The following PCDH19 variants were observed in gnomAD, a reference collection of about 807,000 sequenced individuals.
PCDH19 encodes the protein protocadherin 19, also known as protocadherin-19.
Under a neutral mutation model 46.2 loss-of-function variants are expected in PCDH19, and 6 were observed. The ratio of observed to expected loss-of-function variants is 0.13; its 90% confidence interval spans 0.07 to 0.26. PCDH19 has a LOEUF of 0.26. Among genes scored for constraint, PCDH19 ranks in the 10% least tolerant of loss-of-function variants. The pLI, the probability that PCDH19 is intolerant of heterozygous loss-of-function variation, is 1.00. For synonymous variants in PCDH19, 481 were observed against 415.7 expected (o/e 1.16, Z -1.91); for missense variants, 740 against 972.3 (o/e 0.76, Z 3.18).
chrX:100,373,601 A>T (rs967976552), intron 3 of PCDH19, among the ~76,000 whole-genome samples: 45 of 112,500 alleles, frequency 4.0e-4, no homozygotes, highest in Non-Finnish European at 6.0e-4. Context: ...CTTTCTTCGA[A>T]AAAAGAGCAA....
intron 5 of PCDH19, among the ~76,000 whole-genome samples, chrX:100,333,230 A>AAAGG (rs1925973070): frequency 1.9e-5 from 2 of 105,403 alleles, no homozygotes; most frequent in Non-Finnish European, 3.9e-5. Flanking sequence ...AGAAAGAAAG[A>AAAGG]AAGAAAGAAA....
At chrX:100,385,413 ACAAT>A (rs1325165981) in intron 3 of PCDH19, among the ~76,000 whole-genome samples, 1 of 111,421 alleles carries the variant, frequency 9.0e-6, no homozygotes, top group Non-Finnish European at 1.9e-5. Flanking sequence ...TTACAGGCAA[ACAAT>A]CAGAGATCAC....
intron 3 of PCDH19, among the ~76,000 whole-genome samples, chrX:100,362,309 G>T (rs780973924): frequency 7.2e-5 from 8 of 111,523 alleles, no homozygotes; most frequent in Non-Finnish European, 1.3e-4. Flanking sequence ...GTGTCTATTT[G>T]ATAGCAAAGA....
At chrX:100,374,686 T>A (rs767886774) in intron 3 of PCDH19, among the ~76,000 whole-genome samples, 1 of 111,976 alleles carries the variant, frequency 8.9e-6, no homozygotes, top group Admixed American at 9.5e-5. Flanking sequence ...ACGCCTGTAA[T>A]CCCAGCAATT....
At position 100,301,129 on chromosome X, in the gene PCDH19, A is replaced by C. The variant is rs151276645; in HGVS notation, c.2849-4254T>G. Among the ~76,000 whole-genome samples the C allele has an allele frequency of 1.3e-3, 145 of 111,705 alleles. 1 individual carries two copies. Among genetic ancestry groups the C allele is most frequent in the South Asian group, 1.9e-3 (5 of 2,642 alleles). On this transcript the variant is annotated intron_variant, in intron 5 of 5. Coordinates refer to ENST00000373034, the MANE Select transcript of PCDH19 (RefSeq NM_001184880.2). ...CTGCCATCTCCTCAGATGTGGCCAA[A>C]CAATGTACTTCCACACTAGAAAGAG...
In PCDH19 at chrX:100,298,931, C is replaced by T. The variant is rs183360978; in HGVS notation, c.2849-2056G>A. ...TAGAACAGAAGTCACATCTTTAGGG[C>T]TTCCCAATAAGCTGTTTTTGCCTCT... On this transcript the variant is annotated intron_variant, in intron 5 of 5. Transcript: ENST00000373034. 9.4e-4 allele frequency among the ~76,000 whole-genome samples: 105 copies of T among 111,708 alleles called. 1 individual carries two copies. The highest frequency in any genetic ancestry group is 3.2e-3 in the Admixed American group (34 of 10,505).
chrX:100,409,890 C>T lies in PCDH19; in HGVS notation c.-1293G>A, dbSNP rs897471074. ...GGCGCTGGCCGCGCTGCGTTGGGCT[C>T]CCTTCCTCCCGGGCGCTCGCGCACT... On this transcript the variant is annotated 5_prime_UTR_variant, in exon 1 of 6. Transcript: ENST00000373034. 12 of 316,600 alleles carry T rather than the reference C, an allele frequency of 3.8e-5. No individual in the cohort carries two copies. The highest frequency in any genetic ancestry group is 1.2e-4 in the Admixed American group (2 of 16,361). The allele number at this position is 316,600 out of a possible 1,213,427, so 26.1% of individuals were successfully genotyped here.
chrX:100,334,755 CGTGT>C (rs55977851), intron 5 of PCDH19, among the ~76,000 whole-genome samples: 18 of 100,476 alleles, frequency 1.8e-4, no homozygotes, highest in East Asian at 3.1e-4. Flanking sequence ...ATATAACCAA[CGTGT>C]GTGTGTGTGT....
rs1390393084 is a variant in PCDH19, at chrX:100,294,120, T to A, written c.*2157A>T. 8.9e-6 allele frequency: 1 copy of A among 111,852 alleles called. No homozygotes were observed. Among genetic ancestry groups the A allele is most frequent in the Non-Finnish European group, 1.9e-5 (1 of 53,167 alleles). The allele number at this position is 111,852 out of a possible 1,213,427, so 9.2% of individuals were successfully genotyped here. ...CAGCCATCATAACTTAAAGGGGAAA[T>A]TTTTAAAAAATTTTTAATGTGTTAA... On this transcript the variant is annotated 3_prime_UTR_variant, in exon 6 of 6. Coordinates refer to ENST00000373034, the MANE Select transcript of PCDH19 (RefSeq NM_001184880.2).
chrX:100,346,496 G>A (rs1335265), intron 4 of PCDH19, among the ~76,000 whole-genome samples: 32,978 of 111,047 alleles, frequency 0.3, 3,766 homozygotes, highest in Non-Finnish European at 0.36. Context: ...GCATACCTGC[G>A]TTTAACAAGC....
intron 3 of PCDH19, among the ~76,000 whole-genome samples, chrX:100,365,020 A>G (rs1187345082): frequency 8.9e-6 from 1 of 112,141 alleles, no homozygotes; most frequent in Non-Finnish European, 1.9e-5. Flanking sequence ...ACCTTCAAAG[A>G]CAATGTTTCA....
At chrX:100,334,755 C>CGTGT (rs55977851) in intron 5 of PCDH19, among the ~76,000 whole-genome samples, 35,787 of 100,186 alleles carry the variant, frequency 0.36, 5,383 homozygotes, top group East Asian at 0.64. Context: ...ATATAACCAA[C>CGTGT]GTGTGTGTGT....
chrX:100,299,802 T>C (rs974081370), intron 5 of PCDH19, among the ~76,000 whole-genome samples: 2 of 112,258 alleles, frequency 1.8e-5, no homozygotes, highest in South Asian at 7.3e-4. Context: ...GCTGGAATCA[T>C]ATGCAGTTTT....
At chrX:100,352,358 C>T (rs969192891) in intron 3 of PCDH19, among the ~76,000 whole-genome samples, 2 of 112,396 alleles carry the variant, frequency 1.8e-5, no homozygotes, top group East Asian at 2.8e-4. Context: ...TGAGTTAATT[C>T]GTTGTACCAA....
chrX:100,347,700 G>A (rs1302327612), intron 4 of PCDH19, among the ~76,000 whole-genome samples: 2 of 111,054 alleles, frequency 1.8e-5, no homozygotes, highest in Non-Finnish European at 3.8e-5. Context: ...AGAGAATGCC[G>A]AAAAGAAGGG....
At chrX:100,376,235 C>CAAAAAAAAAAAAAAAAAA (rs1171817638) in intron 3 of PCDH19, among the ~76,000 whole-genome samples, 2 of 32,922 alleles carry the variant, frequency 6.1e-5, no homozygotes, top group Non-Finnish European at 1.1e-4. Context: ...AACTCCGTCT[C>CAAAAAAAAAAAAAAAAAA]AAAAAAAAAA....
rs745398684 is a variant in PCDH19 at position 100,296,730 on chromosome X, A to G, written c.2994T>C (p.Thr998=). ...RNIIALSIEA[T]AADVEAYDDC... ...CGTCATAAGCCTCGACATCAGCAGC[A>G]GTAGCTTCAATAGACAGCGCGATGA... Residue 998 remains threonine (T), a synonymous_variant, in exon 6 of 6, where the codon ACT becomes ACC. Coordinates refer to ENST00000373034, the MANE Select transcript of PCDH19 (RefSeq NM_001184880.2). The G allele has an allele frequency of 4.4e-5, 53 of 1,209,593 alleles. No individual in the cohort carries two copies. The East Asian group carries it at 1.6e-3, about 36-fold the overall frequency.
Position 100,296,519 on chromosome X carries a change from G to T in PCDH19, c.3205C>A (p.Leu1069Ile), listed in dbSNP as rs1403828540. 7 of 1,210,499 alleles carry T rather than the reference G, an allele frequency of 5.8e-6. No homozygotes were observed. The highest frequency in any genetic ancestry group is 6.7e-6 in the Non-Finnish European group (6 of 894,577). ...GTGGGCAGAGAGCTCTTGAGGTGGA[G>T]GGGGGAGGTGACAGGGCTAATCGCC... Reference protein sequence around the residue: ...CEAISPVTSPLHLKSSLPTKP... With the variant: ...CEAISPVTSPIHLKSSLPTKP... The change falls in exon 6 of 6, where the codon CTC becomes ATC. Residue 1069 changes from leucine (L) to isoleucine (I), a missense_variant. Around this residue, in one of 5 missense-constraint regions of PCDH19, gnomAD observed 416 missense variants for 476.8 expected, o/e 0.87. Coordinates refer to ENST00000373034, the MANE Select transcript of PCDH19 (RefSeq NM_001184880.2).
intron 3 of PCDH19, among the ~76,000 whole-genome samples, chrX:100,398,306 T>A (rs79296945): frequency 0.022 from 2,512 of 112,210 alleles, 25 homozygotes; most frequent in Non-Finnish European, 0.036. Flanking sequence ...TCTGCAATAC[T>A]GTAAACTGAG....
Sources: gnomAD v4.1 joint callset for allele counts (sites outside exome capture counted in the v4.1 genomes callset) on GRCh38, gnomAD v4.1.1 for gene constraint, gnomAD v4.1.1 regional missense constraint, MANE v1.5 for transcripts, NCBI Gene and HGNC (gene_info 2026-07-23, HGNC 2026-07-21) for gene names.